The following TAF4B variants were observed in gnomAD, a reference collection of about 807,000 sequenced individuals.
TAF4B encodes the protein TATA-box binding protein associated factor 4b, also known as transcription initiation factor TFIID subunit 4B.
Under a neutral mutation model 86.4 loss-of-function variants are expected in TAF4B, and 38 were observed. The ratio of observed to expected loss-of-function variants is 0.44; its 90% CI spans 0.34 to 0.58. The LOEUF (loss-of-function observed/expected upper bound fraction) is 0.58. Among genes scored for constraint, TAF4B ranks in the 20% least tolerant of loss-of-function variants. TAF4B has a pLI of 0.02. For synonymous variants in TAF4B, 388 were observed against 391.2 expected (o/e 0.99, Z 0.10); for missense variants, 988 against 1,027.6 (o/e 0.96, Z 0.53).
chr18:26,311,327 C>G (rs2056851779), intron 9 of TAF4B, among the ~76,000 whole-genome samples: 1 of 152,136 alleles, frequency 6.6e-6, no homozygotes, highest in African/African-American at 2.4e-5. Context: ...GCTTTGAAAG[C>G]TTTGAAAATA....
At chr18:26,293,591 A>G in intron 9 of TAF4B, 60 bp downstream of exon 9, 1 of 1,065,774 alleles carries the variant, frequency 9.4e-7, no homozygotes, top group Non-Finnish European at 1.3e-6. Flanking sequence ...AAAAGGAGAG[A>G]TGACAGAATA....
At chr18:26,354,288 G>C (rs1210470372) in intron 13 of TAF4B, among the ~76,000 whole-genome samples, 1 of 152,158 alleles carries the variant, frequency 6.6e-6, no homozygotes, top group East Asian at 1.9e-4. Context: ...TGGCCAGGCT[G>C]GTGCGAACTC....
intron 2 of TAF4B, 157 bp from the exon 3 acceptor site, chr18:26,267,359 T>G: frequency 1.9e-6 from 1 of 513,438 alleles, no homozygotes; most frequent in South Asian, 3.6e-5. Flanking sequence ...ACCAGTTAGG[T>G]TTATAGTATA....
chr18:26,276,603 A>T (rs2056387477), intron 5 of TAF4B, among the ~76,000 whole-genome samples: 2 of 152,182 alleles, frequency 1.3e-5, no homozygotes, highest in African/African-American at 4.8e-5. Flanking sequence ...AAGATGTTAG[A>T]GCACACTTGA....
At chr18:26,312,521 G>T (rs2056863388) in intron 9 of TAF4B, among the ~76,000 whole-genome samples, 1 of 152,152 alleles carries the variant, frequency 6.6e-6, no homozygotes, top group African/African-American at 2.4e-5. Flanking sequence ...CTGCTCATTT[G>T]CAGGGAAAGG....
At chr18:26,319,866 A>C (rs989171022) in intron 10 of TAF4B, among the ~76,000 whole-genome samples, 4 of 152,142 alleles carry the variant, frequency 2.6e-5, no homozygotes, top group Non-Finnish European at 5.9e-5. Flanking sequence ...CTGGAATTAC[A>C]GGCGTGTGCC....
intron 14 of TAF4B, among the ~76,000 whole-genome samples, chr18:26,387,877 C>T (rs750846708): frequency 1.3e-5 from 2 of 152,096 alleles, no homozygotes; most frequent in East Asian, 1.9e-4. Flanking sequence ...TTTATTTGTC[C>T]GTCAGATAAA....
chr18:26,324,514 A>C (rs1483866148), intron 11 of TAF4B, among the ~76,000 whole-genome samples: 4 of 152,330 alleles, frequency 2.6e-5, no homozygotes, highest in South Asian at 4.1e-4. Context: ...ATTGAATGGC[A>C]TTCAAAGCTC....
intron 14 of TAF4B, among the ~76,000 whole-genome samples, chr18:26,359,907 G>A (rs1291299749): frequency 6.6e-6 from 1 of 150,552 alleles, no homozygotes; most frequent in Non-Finnish European, 1.5e-5. Flanking sequence ...TGGTAGAGAC[G>A]GAGTTTTGCC....
At chr18:26,355,190 A>G (rs995026798) in intron 13 of TAF4B, among the ~76,000 whole-genome samples, 3 of 152,212 alleles carry the variant, frequency 2.0e-5, no homozygotes, top group African/African-American at 7.2e-5. Context: ...TTGTACCTTA[A>G]TGATATTTAG....
chr18:26,254,526 G>A (rs2056053526), intron 1 of TAF4B, among the ~76,000 whole-genome samples: 1 of 152,162 alleles, frequency 6.6e-6, no homozygotes, highest in African/African-American at 2.4e-5. Context: ...TCAAAGTCAT[G>A]TAACACAAAA....
At chr18:26,326,924 A>G (rs1400711055) in intron 11 of TAF4B, 91 bp from the exon 12 acceptor site, 3 of 1,370,880 alleles carry the variant, frequency 2.2e-6, no homozygotes, top group Admixed American at 2.2e-5. Context: ...TTATGTTGGT[A>G]TTCCTGCCTT....
At chr18:26,375,286 A>G (rs2057435276) in intron 14 of TAF4B, among the ~76,000 whole-genome samples, 1 of 152,148 alleles carries the variant, frequency 6.6e-6, no homozygotes. Context: ...ATTCCATTGT[A>G]TGAATATGCA....
At chr18:26,311,144 G>A (rs1215523605) in intron 9 of TAF4B, among the ~76,000 whole-genome samples, 3 of 152,018 alleles carry the variant, frequency 2.0e-5, no homozygotes, top group Admixed American at 2.0e-4. Flanking sequence ...AAATTAGTTG[G>A]AATTTAAGGC....
chr18:26,327,220 G>A (rs2057011627), intron 12 of TAF4B, 80 bp downstream of exon 12: 4 of 1,502,218 alleles, frequency 2.7e-6, no homozygotes, highest in African/African-American at 1.4e-5. Context: ...TGACTGTCTT[G>A]GTTTTATTAG....
intron 1 of TAF4B, among the ~76,000 whole-genome samples, chr18:26,249,542 A>G (rs1012548573): frequency 6.6e-6 from 1 of 152,180 alleles, no homozygotes; most frequent in Non-Finnish European, 1.5e-5. Flanking sequence ...TGTAGCACCA[A>G]TGAAATTAAG....
intron 13 of TAF4B, among the ~76,000 whole-genome samples, chr18:26,350,086 C>T (rs1475632140): frequency 1.3e-5 from 2 of 152,116 alleles, no homozygotes; most frequent in African/African-American, 4.8e-5. Context: ...AAGTGTAAAA[C>T]CTGAAACTAT....
intron 6 of TAF4B, among the ~76,000 whole-genome samples, chr18:26,285,222 G>GTTGTTTTTTTTTTT (rs2056498919): frequency 2.2e-5 from 1 of 45,660 alleles, no homozygotes; most frequent in Non-Finnish European, 4.5e-5. Context: ...TTTTTTTTTT[G>GTTGTTTTTTTTTTT]TTTTTTTTTT....
chr18:26,227,042 A>G lies in TAF4B; in HGVS notation c.109A>G (p.Ser37Gly), dbSNP rs2055586907. 6.4e-7 allele frequency: 1 copy of G among 1,557,090 alleles called. No individual in the cohort carries two copies. Among genetic ancestry groups the G allele is most frequent in the Non-Finnish European group, 8.6e-7 (1 of 1,161,506 alleles). The change falls in exon 1 of 15, where the codon AGC becomes GGC. Residue 37 changes from serine to glycine, a missense_variant. This residue lies in a region of TAF4B where 747 missense variants were observed against 737.9 expected (regional missense o/e 1.01). Coordinates refer to ENST00000269142, the MANE Select transcript of TAF4B (RefSeq NM_005640.3). ...PAGALPVRVE[S>G]TPVALGAVTK... ...CGGGGCGCTGCCGGTGCGGGTGGAG[A>G]GCACTCCGGTGGCCCTGGGCGCCGT...
Sources: allele counts gnomAD v4.1 joint callset (sites outside exome capture counted in the v4.1 genomes callset), GRCh38; gene constraint gnomAD v4.1.1; regional missense constraint gnomAD v4.1.1; transcripts MANE v1.5; gene names NCBI Gene and HGNC (gene_info 2026-07-23, HGNC 2026-07-21).